Variants in LIMCH1 observed in about 807,000 individuals in gnomAD.
LIMCH1 encodes the protein LIM and calponin homology domains-containing protein 1.
In LIMCH1, 113 loss-of-function variants were observed where a neutral mutation model predicts 176.5. The observed-to-expected ratio is 0.64, with a 90% CI of 0.55 to 0.75. The LOEUF (loss-of-function observed/expected upper bound fraction) is 0.75. LIMCH1 is among the 30% of genes least tolerant of loss of function. The pLI, the probability that LIMCH1 is intolerant of heterozygous loss-of-function variation, is 0.00. For synonymous variants in LIMCH1, 619 were observed against 645.9 expected, an observed-to-expected ratio of 0.96 and a Z score of 0.63; for missense variants, 1,674 against 1,814.9, an observed-to-expected ratio of 0.92 and a Z score of 1.41.
At chr4:41,589,335 TGAG>T (rs2087061379) in intron 1 of LIMCH1, among the ~76,000 whole-genome samples, 1 of 152,064 alleles carries the variant, frequency 6.6e-6, no homozygotes, top group Non-Finnish European at 1.5e-5. Context: ...CTGGCATGTC[TGAG>T]GACCAGTGAG....
chr4:41,401,403 A>G (rs377764194), intron 1 of LIMCH1, among the ~76,000 whole-genome samples: 1 of 152,020 alleles, frequency 6.6e-6, no homozygotes, highest in Non-Finnish European at 1.5e-5. Context: ...CTCTGTTTTG[A>G]TACCAGTACC....
chr4:41,697,987 A>C lies in LIMCH1; in HGVS notation c.*802A>C, dbSNP rs1205224470. 3.9e-5 allele frequency: 6 copies of C among 152,154 alleles called. No homozygotes were observed. Among genetic ancestry groups the C allele is most frequent in the Admixed American group, 3.9e-4 (6 of 15,282 alleles). The allele number at this position is 152,154 out of a possible 1,614,324, so 9.4% of individuals were successfully genotyped here. A position where few individuals can be genotyped will look rare whatever the true frequency, so the allele number is the denominator to read the frequency against. On this transcript the variant is annotated 3_prime_UTR_variant, in exon 32 of 32. Transcript: ENST00000503057. The stretch of plus-strand genomic sequence containing the variant: ...AAAGTCATTATCAAAATCTGTGAGG[A>C]AGTTTAATCTTCCAAAGAGTCAATG...
At chr4:41,544,077 AC>A (rs1252566964) in intron 1 of LIMCH1, among the ~76,000 whole-genome samples, 3 of 151,630 alleles carry the variant, frequency 2.0e-5, no homozygotes, top group Admixed American at 6.6e-5. Flanking sequence ...TATTTCAGAT[AC>A]CCCCCCACCC....
At chr4:41,444,321 C>T (rs926815095) in intron 1 of LIMCH1, among the ~76,000 whole-genome samples, 1,938 of 85,590 alleles carry the variant, frequency 0.023, 115 homozygotes, top group Admixed American at 0.15. Flanking sequence ...TATACACACA[C>T]ACACACACAC....
At chr4:41,505,348 G>A (rs1049020765) in intron 2 of LIMCH1, among the ~76,000 whole-genome samples, 1 of 152,106 alleles carries the variant, frequency 6.6e-6, no homozygotes, top group Non-Finnish European at 1.5e-5. Flanking sequence ...CCAGTGGCTC[G>A]CTCCCTTGGG....
At chr4:41,502,991 G>T (rs1274280296) in intron 2 of LIMCH1, among the ~76,000 whole-genome samples, 1 of 59,154 alleles carries the variant, frequency 1.7e-5, no homozygotes, top group African/African-American at 9.1e-5. Flanking sequence ...TATCTGACTG[G>T]TCTGTCTGTC....
At chr4:41,454,760 A>G (rs2064329271) in intron 1 of LIMCH1, among the ~76,000 whole-genome samples, 1 of 152,196 alleles carries the variant, frequency 6.6e-6, no homozygotes, top group South Asian at 2.1e-4. Flanking sequence ...GCACTTGTGA[A>G]TCTGATCTGA....
chr4:41,430,653 G>A (rs1331698296), intron 1 of LIMCH1, among the ~76,000 whole-genome samples: 1 of 152,180 alleles, frequency 6.6e-6, no homozygotes, highest in Non-Finnish European at 1.5e-5. Context: ...GTTACAAATA[G>A]CTACTAAATA....
rs1324750364 is a variant in LIMCH1, at chr4:41,444,309, TATATACACACACACACACACAC to T, written c.97-50225_97-50204del. ...GTATGTGTGTGAGTGTGTGTGTATA[TATATACACACACACACACACAC>T]ACACACACACACACACACACACATA... is the stretch of plus-strand genomic sequence containing the variant. On this transcript the variant is annotated intron_variant, in intron 1 of 26. Coordinates refer to the LIMCH1 transcript ENST00000313860. Among the ~76,000 whole-genome samples the T allele has an allele frequency of 9.0e-3, 895 of 99,570 alleles. 15 individuals are homozygous for T. Among genetic ancestry groups the T allele is most frequent in the African/African-American group, 0.026 (840 of 32,298 alleles). The allele number at this position is 99,570 out of a possible 152,430, so 65.3% of individuals were successfully genotyped here. A position where few individuals can be genotyped will look rare whatever the true frequency, so the allele number is the denominator to read the frequency against.
chr4:41,452,833 C>T (rs2064058909), intron 1 of LIMCH1, among the ~76,000 whole-genome samples: 1 of 152,178 alleles, frequency 6.6e-6, no homozygotes, highest in Admixed American at 6.5e-5. Flanking sequence ...TTAATATTCA[C>T]CATGTCTTAT....
intron 1 of LIMCH1, among the ~76,000 whole-genome samples, chr4:41,449,084 C>G (rs576015420): frequency 6.6e-6 from 1 of 152,228 alleles, no homozygotes; most frequent in African/African-American, 2.4e-5. Context: ...GCCTCCCTCC[C>G]GTTTTGATGG....
At chr4:41,467,180 C>T (rs186193433) in intron 1 of LIMCH1, among the ~76,000 whole-genome samples, 21,904 of 148,870 alleles carry the variant, frequency 0.15, 2,610 homozygotes, top group African/African-American at 0.31. Context: ...CACACACACA[C>T]ACACACACAC....
At chr4:41,455,604 G>A (rs956001656) in intron 1 of LIMCH1, among the ~76,000 whole-genome samples, 4 of 152,030 alleles carry the variant, frequency 2.6e-5, no homozygotes, top group Non-Finnish European at 4.4e-5. Flanking sequence ...TATTTCATAC[G>A]CTGCCTAAAA....
In LIMCH1 at chr4:41,631,361, T is replaced by A. The variant is rs2152866907; in HGVS notation, c.1485T>A (p.Asp495Glu). Residue 495 changes from aspartate (D) to glutamate (E), a missense_variant, in exon 10 of 32, where the codon GAT becomes GAA. Coordinates refer to ENST00000503057, the MANE Select transcript of LIMCH1 (RefSeq NM_001330672.2). ...LSIGKAGPREDEEEVICHGSK... is the reference protein window; with the variant it reads ...LSIGKAGPREEEEEVICHGSK... ...TTGGCAAGGCTGGGCCTAGAGAGGA[T>A]GAAGAAGAAGTCATCTGTCATGGCA... The A allele has an allele frequency of 6.5e-7, 1 of 1,536,214 alleles. No individual in the cohort carries two copies. The highest frequency in any genetic ancestry group is 2.4e-5 in the East Asian group (1 of 40,922).
chr4:41,613,391 A>G, intron 4 of LIMCH1, 75 bp from the exon 5 acceptor site: 2 of 1,257,866 alleles, frequency 1.6e-6, no homozygotes, highest in South Asian at 2.8e-5. Context: ...TTTTTTGGAG[A>G]CCACTGGAGA....
chr4:41,421,279 T>G (rs983125361), intron 1 of LIMCH1, among the ~76,000 whole-genome samples: 3 of 152,198 alleles, frequency 2.0e-5, no homozygotes, highest in Non-Finnish European at 2.9e-5. Flanking sequence ...TGTAAGCTCC[T>G]TAGAGTCATA....
intron 2 of LIMCH1, among the ~76,000 whole-genome samples, chr4:41,510,318 T>A (rs892153844): frequency 6.6e-6 from 1 of 152,200 alleles, no homozygotes; most frequent in African/African-American, 2.4e-5. Context: ...ACTGCTCATG[T>A]GGTAGATGAG....
chr4:41,613,023 C>G, intron 4 of LIMCH1: 2 of 1,551,858 alleles, frequency 1.3e-6, no homozygotes, highest in Admixed American at 2.0e-5. Flanking sequence ...TAAACAGGAG[C>G]AAAAGTTGCA....
intron 1 of LIMCH1, chr4:41,418,879 T>TCTCAAC (rs2060181645): frequency 6.6e-6 from 1 of 152,202 alleles, no homozygotes; most frequent in African/African-American, 2.4e-5. Flanking sequence ...TGTTTATTGT[T>TCTCAAC]CTCAACTAGA....
Sources: allele counts gnomAD v4.1 joint callset (sites outside exome capture counted in the v4.1 genomes callset), GRCh38; gene constraint gnomAD v4.1.1; transcripts MANE v1.5; gene names NCBI Gene and HGNC (gene_info 2026-07-23, HGNC 2026-07-21).